Variants in CSMD1 observed in about 807,000 individuals in gnomAD.
CSMD1 encodes the protein CUB and sushi domain-containing protein 1.
CSMD1 carries 213 observed loss-of-function variants against 417.5 expected under a neutral mutation model. The observed-to-expected ratio is 0.51, with a 90% CI of 0.46 to 0.57. The LOEUF is 0.57. CSMD1 is among the 20% of genes least tolerant of loss of function. The pLI is 0.00. For missense variants in CSMD1, 6,923 were observed against 4,529.7 expected (o/e 1.53, Z -15.17); for synonymous variants, 2,862 against 1,736.8 (o/e 1.65, Z -16.11).
intron 1 of CSMD1, among the ~76,000 whole-genome samples, chr8:4,715,563 C>A (rs1203203613): frequency 1.3e-5 from 2 of 152,142 alleles, no homozygotes; most frequent in African/African-American, 2.4e-5. Context: ...ACGGTCCACC[C>A]TGAACTTCTC....
intron 5 of CSMD1, among the ~76,000 whole-genome samples, chr8:3,945,890 G>T (rs143175754): frequency 2.0e-5 from 3 of 152,118 alleles, no homozygotes; most frequent in South Asian, 2.1e-4. Context: ...ACATAAGAAC[G>T]TACTGACTAT....
At chr8:4,766,304 G>C (rs115901932) in intron 1 of CSMD1, among the ~76,000 whole-genome samples, 1 of 152,132 alleles carries the variant, frequency 6.6e-6, no homozygotes, top group Non-Finnish European at 1.5e-5. Context: ...TTTTCATTCG[G>C]TGAGCCAACT....
At chr8:3,321,953 G>C (rs1806181282) in intron 23 of CSMD1, among the ~76,000 whole-genome samples, 1 of 152,118 alleles carries the variant, frequency 6.6e-6, no homozygotes, top group Admixed American at 6.6e-5. Flanking sequence ...ACCTAAAATG[G>C]AACCTACACA....
At chr8:4,547,510 G>C (rs929720781) in intron 2 of CSMD1, among the ~76,000 whole-genome samples, 1 of 152,042 alleles carries the variant, frequency 6.6e-6, no homozygotes, top group African/African-American at 2.4e-5. Flanking sequence ...TTTCTACCAG[G>C]TCCCTATGCA....
intron 11 of CSMD1, among the ~76,000 whole-genome samples, chr8:3,477,438 T>C (rs1405992232): frequency 1.3e-5 from 2 of 152,210 alleles, no homozygotes; most frequent in Non-Finnish European, 2.9e-5. Context: ...TACTTAATTG[T>C]ATGATTTAAG....
intron 16 of CSMD1, 43 bp from the exon 17 acceptor site, chr8:3,396,424 C>T (rs751911061): frequency 1.5e-5 from 21 of 1,393,496 alleles, no homozygotes; most frequent in Non-Finnish European, 2.0e-5. Context: ...TGCAGAACTG[C>T]CAGCTTACAG....
At chr8:3,106,700 G>GC in intron 45 of CSMD1, 59 bp from the exon 46 acceptor site, 1 of 954,354 alleles carries the variant, frequency 1.0e-6, no homozygotes, top group Non-Finnish European at 1.7e-6. Flanking sequence ...GTGTGTGAAG[G>GC]TGTGACACAT....
intron 3 of CSMD1, among the ~76,000 whole-genome samples, chr8:4,059,790 G>A (rs1170296273): frequency 6.6e-6 from 1 of 151,764 alleles, no homozygotes; most frequent in Non-Finnish European, 1.5e-5. Context: ...CTGCAATTGT[G>A]GCAATAATCA....
intron 4 of CSMD1, among the ~76,000 whole-genome samples, chr8:4,029,738 G>C (rs762886616): frequency 6.6e-6 from 1 of 152,072 alleles, no homozygotes; most frequent in Non-Finnish European, 1.5e-5. Flanking sequence ...ACTTATTTCA[G>C]CATTAACTCG....
chr8:3,710,775 C>T (rs1801461506), intron 6 of CSMD1, among the ~76,000 whole-genome samples: 2 of 152,130 alleles, frequency 1.3e-5, no homozygotes, highest in South Asian at 2.1e-4. Flanking sequence ...TATGACACCG[C>T]CAGCTCATAT....
At chr8:4,049,025 G>C (rs1424802192) in intron 3 of CSMD1, among the ~76,000 whole-genome samples, 16 of 152,104 alleles carry the variant, frequency 1.1e-4, no homozygotes, top group Non-Finnish European at 4.4e-5. Flanking sequence ...ACCTTTTCAA[G>C]ACTCACCACC....
intron 5 of CSMD1, among the ~76,000 whole-genome samples, chr8:3,882,905 T>C (rs1003653872): frequency 5.3e-5 from 8 of 152,166 alleles, no homozygotes; most frequent in South Asian, 2.1e-4. Flanking sequence ...TGCTAGCATC[T>C]TGTGGGAGTA....
At chr8:3,631,357 G>T (rs1447312046) in intron 7 of CSMD1, among the ~76,000 whole-genome samples, 1 of 152,186 alleles carries the variant, frequency 6.6e-6, no homozygotes, top group Non-Finnish European at 1.5e-5. Flanking sequence ...CTGTCACACA[G>T]TAAGAAAGCA....
intron 3 of CSMD1, among the ~76,000 whole-genome samples, chr8:4,161,380 A>T (rs1056734579): frequency 1.2e-4 from 18 of 152,334 alleles, no homozygotes; most frequent in Middle Eastern, 3.4e-3. Flanking sequence ...TCAGCCACAG[A>T]ATTAAAGGAA....
At chr8:3,539,378 G>T (rs181871168) in intron 10 of CSMD1, among the ~76,000 whole-genome samples, 89 of 152,186 alleles carry the variant, frequency 5.8e-4, no homozygotes, top group African/African-American at 1.9e-3. Flanking sequence ...ACTATAAGAA[G>T]TATATACATA....
chr8:3,753,867 A>G, intron 6 of CSMD1, 63 bp downstream of exon 6: 4 of 1,174,536 alleles, frequency 3.4e-6, no homozygotes, highest in Non-Finnish European at 4.9e-6. Context: ...TTTCATGGCT[A>G]GAAAGGATCA....
intron 19 of CSMD1, among the ~76,000 whole-genome samples, chr8:3,368,940 T>C (rs1277671530): frequency 1.3e-5 from 2 of 152,196 alleles, no homozygotes; most frequent in Admixed American, 6.5e-5. Context: ...TTTCCCTTTA[T>C]TTAATCAATG....
At chr8:3,484,152 G>T (rs913289350) in intron 11 of CSMD1, among the ~76,000 whole-genome samples, 3 of 152,186 alleles carry the variant, frequency 2.0e-5, no homozygotes, top group Non-Finnish European at 4.4e-5. Flanking sequence ...GAACAATAAA[G>T]TGAGAAACAT....
chr8:3,745,116 G>A (rs1797004560), intron 6 of CSMD1, among the ~76,000 whole-genome samples: 1 of 152,220 alleles, frequency 6.6e-6, no homozygotes, highest in South Asian at 2.1e-4. Context: ...TGTGTCTTGA[G>A]AAAGCAAAGC....
Sources: allele counts gnomAD v4.1 joint callset (sites outside exome capture counted in the v4.1 genomes callset), GRCh38; gene constraint gnomAD v4.1.1; transcripts MANE v1.5; gene names NCBI Gene and HGNC (gene_info 2026-07-23, HGNC 2026-07-21).